The following CMSS1 variants were observed in gnomAD, a reference collection of about 807,000 sequenced individuals.
CMSS1 encodes the protein protein CMSS1.
CMSS1 carries 33 observed loss-of-function variants against 43.5 expected under a neutral mutation model. The observed-to-expected ratio is 0.76, with a 90% CI of 0.57 to 1.01. CMSS1 has a LOEUF of 1.01. Among genes scored for constraint, CMSS1 ranks in the 50% least tolerant of loss-of-function variants. CMSS1 has a pLI of 0.00. For synonymous variants in CMSS1, 115 were observed against 117.2 expected, an observed-to-expected ratio of 0.98 and a Z score of 0.12; for missense variants, 313 against 326.4, an observed-to-expected ratio of 0.96 and a Z score of 0.32.
chr3:99,877,681 C>G (rs950101549), intron 1 of CMSS1, among the ~76,000 whole-genome samples: 1 of 152,190 alleles, frequency 6.6e-6, no homozygotes, highest in African/African-American at 2.4e-5. Context: ...CTGCCCTATA[C>G]TTGTGAATTG....
chr3:100,055,804 AT>A (rs2065454271), intron 1 of CMSS1, among the ~76,000 whole-genome samples: 2 of 152,230 alleles, frequency 1.3e-5, no homozygotes, highest in African/African-American at 4.8e-5. Context: ...ATTTTTTAAT[AT>A]TGTACACATT....
chr3:100,115,557 TTCTCTCTCTCTCTCTCTGTC>T (rs1559762508), intron 1 of CMSS1, among the ~76,000 whole-genome samples: 11 of 75,196 alleles, frequency 1.5e-4, no homozygotes, highest in Non-Finnish European at 2.2e-4. Flanking sequence ...CTCTTTCTCT[TTCTCTCTCTCTCTCTCTGTC>T]TCTCTCTCTC....
intron 1 of CMSS1, among the ~76,000 whole-genome samples, chr3:99,900,242 C>T (rs1460152701): frequency 6.6e-6 from 1 of 152,086 alleles, no homozygotes; most frequent in African/African-American, 2.4e-5. Flanking sequence ...GAGTTTGAGA[C>T]AGAATATTCA....
intron 1 of CMSS1, among the ~76,000 whole-genome samples, chr3:99,899,984 A>G (rs918417469): frequency 1.3e-5 from 2 of 152,216 alleles, no homozygotes; most frequent in South Asian, 4.1e-4. Flanking sequence ...GATCTTTGAA[A>G]TCGTATAATT....
chr3:100,017,026 G>A (rs1710364022), intron 1 of CMSS1, among the ~76,000 whole-genome samples: 1 of 152,068 alleles, frequency 6.6e-6, no homozygotes, highest in South Asian at 2.1e-4. Context: ...GTTTTTGTTA[G>A]TTTTTCAAAT....
chr3:100,168,024 A>G (rs973463925), intron 6 of CMSS1, among the ~76,000 whole-genome samples, 184 bp downstream of exon 6: 6 of 152,236 alleles, frequency 3.9e-5, no homozygotes, highest in Admixed American at 2.0e-4. Context: ...AACGTCAAGT[A>G]CATTGATAAG....
At chr3:99,829,025 G>A (rs1046940215) in intron 1 of CMSS1, among the ~76,000 whole-genome samples, 2 of 151,972 alleles carry the variant, frequency 1.3e-5, no homozygotes, top group African/African-American at 2.4e-5. Flanking sequence ...CAGGGGCCTG[G>A]GGGTGTTTGT....
chr3:99,899,918 G>C (rs2107625093), intron 1 of CMSS1, among the ~76,000 whole-genome samples: 1 of 152,280 alleles, frequency 6.6e-6, no homozygotes, highest in East Asian at 1.9e-4. Context: ...GGCTTAACTA[G>C]TTAGCTGTTA....
At chr3:100,133,394 C>A (rs1315025638) in intron 1 of CMSS1, among the ~76,000 whole-genome samples, 1 of 151,644 alleles carries the variant, frequency 6.6e-6, no homozygotes. Flanking sequence ...AAGTAAATAC[C>A]AAAATTAGAA....
chr3:99,822,074 G>A (rs1942449451), intron 1 of CMSS1, among the ~76,000 whole-genome samples: 1 of 151,986 alleles, frequency 6.6e-6, no homozygotes, highest in Non-Finnish European at 1.5e-5. Flanking sequence ...AATGTTACTT[G>A]ATCATTTACT....
chr3:99,970,962 C>A (rs1273252171), intron 1 of CMSS1, among the ~76,000 whole-genome samples: 3 of 152,208 alleles, frequency 2.0e-5, no homozygotes, highest in African/African-American at 7.2e-5. Context: ...CTTGGCAGTG[C>A]TCCTACCTGT....
At chr3:100,129,883 A>G (rs2066692718) in intron 1 of CMSS1, among the ~76,000 whole-genome samples, 1 of 152,170 alleles carries the variant, frequency 6.6e-6, no homozygotes, top group African/African-American at 2.4e-5. Flanking sequence ...CCTAGAGCAT[A>G]TTCAGTTCTT....
chr3:100,170,970 A>T (rs547156782), intron 6 of CMSS1, among the ~76,000 whole-genome samples: 1 of 152,304 alleles, frequency 6.6e-6, no homozygotes, highest in African/African-American at 2.4e-5. Flanking sequence ...AAAAATCTAG[A>T]TTTCTGGCTT....
chr3:99,890,275 A>G (rs953156527), intron 1 of CMSS1, among the ~76,000 whole-genome samples: 3 of 151,924 alleles, frequency 2.0e-5, no homozygotes, highest in Non-Finnish European at 4.4e-5. Flanking sequence ...GGCTGTTTTT[A>G]TGATCTTCCC....
At chr3:99,987,528 CAAAA>C (rs1209242716) in intron 1 of CMSS1, among the ~76,000 whole-genome samples, 1 of 57,160 alleles carries the variant, frequency 1.7e-5, no homozygotes. Flanking sequence ...GATTCTGTCT[CAAAA>C]AAAAAAAAAA....
intron 1 of CMSS1, among the ~76,000 whole-genome samples, chr3:100,130,446 G>T (rs1043071711): frequency 6.6e-6 from 1 of 152,152 alleles, no homozygotes; most frequent in African/African-American, 2.4e-5. Context: ...CCATCTCATT[G>T]AGTGTTTTAG....
chr3:100,105,419 GCAATTCGTATCTAA>G, intron 1 of CMSS1, among the ~76,000 whole-genome samples: 1 of 152,232 alleles, frequency 6.6e-6, no homozygotes, highest in South Asian at 2.1e-4. Context: ...TGAATCAACT[GCAATTCGTATCTAA>G]CAATTTCATA....
chr3:100,155,531 T>C (rs1168464753), intron 2 of CMSS1, among the ~76,000 whole-genome samples: 1 of 152,214 alleles, frequency 6.6e-6, no homozygotes, highest in Non-Finnish European at 1.5e-5. Flanking sequence ...AACTGGTTAT[T>C]CTCCAGGCCC....
intron 1 of CMSS1, among the ~76,000 whole-genome samples, chr3:99,867,337 T>C (rs934461275): frequency 6.6e-6 from 1 of 152,172 alleles, no homozygotes; most frequent in Non-Finnish European, 1.5e-5. Flanking sequence ...TTGAATACCA[T>C]CCATTTTTGC....
Sources: gnomAD v4.1 joint callset for allele counts (sites outside exome capture counted in the v4.1 genomes callset) on GRCh38, gnomAD v4.1.1 for gene constraint, MANE v1.5 for transcripts, NCBI Gene and HGNC (gene_info 2026-07-23, HGNC 2026-07-21) for gene names.